Variants in NLGN1 observed in about 807,000 individuals in gnomAD.
The protein encoded by NLGN1 is neuroligin-1.
A neutral mutation model predicts 65.5 loss-of-function variants in NLGN1; 12 were observed. That is an observed-to-expected ratio of 0.18 (90% CI 0.12 to 0.30). The LOEUF (loss-of-function observed/expected upper bound fraction) is 0.30. NLGN1 is among the 10% of genes least tolerant of loss of function. NLGN1 has a pLI of 1.00. For missense variants in NLGN1, 750 were observed against 1,007.1 expected (o/e 0.74, Z 3.46); for synonymous variants, 350 against 359.5 (o/e 0.97, Z 0.30).
intron 1 of NLGN1, among the ~76,000 whole-genome samples, chr3:173,434,691 A>G (rs968405831): frequency 2.6e-5 from 4 of 152,188 alleles, no homozygotes; most frequent in African/African-American, 9.7e-5. Flanking sequence ...TAGTAAAATG[A>G]CACCCTATAA....
chr3:173,476,707 G>A (rs993377460), intron 2 of NLGN1, among the ~76,000 whole-genome samples: 5 of 152,180 alleles, frequency 3.3e-5, no homozygotes, highest in African/African-American at 1.2e-4. Context: ...TGCATTTTGA[G>A]CCATCATTTA....
Position 174,106,845 on chromosome 3 carries a change from A to G in NLGN1, c.647-168470A>G, listed in dbSNP as rs140367246. On this transcript the variant is annotated intron_variant, in intron 4 of 6. Transcript: ENST00000457714. ...GAGAAGACTCATGTCCAGTTTTAAA[A>G]GATAAAGAGAATTCACCCTTTCTCC... is the stretch of plus-strand genomic sequence containing the variant. Among the ~76,000 whole-genome samples the G allele has an allele frequency of 6.2e-3, 940 of 152,168 alleles. 26 individuals are homozygous for G. The highest frequency in any genetic ancestry group is 0.039 in the East Asian group (199 of 5,166).
At chr3:174,061,093 C>T (rs900064197) in intron 4 of NLGN1, among the ~76,000 whole-genome samples, 8 of 151,980 alleles carry the variant, frequency 5.3e-5, no homozygotes, top group Non-Finnish European at 1.2e-4. Context: ...GAAAAGTTTT[C>T]ACTTGGGATC....
intron 4 of NLGN1, among the ~76,000 whole-genome samples, chr3:174,255,421 G>C (rs571681141): frequency 9.7e-6 from 1 of 102,876 alleles, no homozygotes; most frequent in Admixed American, 1.2e-4. Flanking sequence ...AGGCGATAGA[G>C]CAAGACTCTG....
At chr3:174,143,158 A>G (rs1009019351) in intron 4 of NLGN1, among the ~76,000 whole-genome samples, 14 of 152,240 alleles carry the variant, frequency 9.2e-5, no homozygotes, top group Admixed American at 8.5e-4. Context: ...CCCACCTCCA[A>G]TACTGGGAAT....
At chr3:173,857,303 A>T (rs1728183656) in intron 4 of NLGN1, among the ~76,000 whole-genome samples, 1 of 152,080 alleles carries the variant, frequency 6.6e-6, no homozygotes, top group Admixed American at 6.6e-5. Context: ...CTTGCACACC[A>T]CTTGTGTTCA....
intron 2 of NLGN1, among the ~76,000 whole-genome samples, chr3:173,519,768 G>A (rs567220606): frequency 1.3e-5 from 2 of 151,550 alleles, no homozygotes; most frequent in South Asian, 2.1e-4. Flanking sequence ...ATGAGAGTTT[G>A]GACTTTGGAC....
chr3:173,595,449 A>G (rs922199496), intron 2 of NLGN1, among the ~76,000 whole-genome samples: 5 of 152,130 alleles, frequency 3.3e-5, no homozygotes, highest in Admixed American at 1.3e-4. Context: ...CCTAGATTTT[A>G]TTGTCCATAT....
intron 4 of NLGN1, among the ~76,000 whole-genome samples, chr3:173,999,437 T>C (rs1266195211): frequency 1.3e-5 from 2 of 152,158 alleles, no homozygotes; most frequent in African/African-American, 4.8e-5. Flanking sequence ...TAGGAAATGA[T>C]TTTACCTTTG....
In NLGN1 at chr3:173,900,971, C is replaced by T. The variant is rs144600615; in HGVS notation, c.646+93139C>T. ...ATATAGCCATGTTTAAGGCCAGGTC[C>T]TCTGACTGGAAACTCGTGTCTTTTG... On this transcript the variant is annotated intron_variant, in intron 4 of 6. Transcript: ENST00000457714. Among the ~76,000 whole-genome samples, 759 of 152,070 alleles carry T rather than the reference C, an allele frequency of 5.0e-3. 8 individuals carry two copies. Among genetic ancestry groups the T allele is most frequent in the South Asian group, 0.027 (128 of 4,820 alleles).
At chr3:173,458,980 T>C (rs921615173) in intron 2 of NLGN1, among the ~76,000 whole-genome samples, 1 of 152,078 alleles carries the variant, frequency 6.6e-6, no homozygotes, top group Non-Finnish European at 1.5e-5. Context: ...TTGGCTAATA[T>C]TGGAACATGT....
chr3:173,655,570 G>GA (rs552155158), intron 3 of NLGN1, among the ~76,000 whole-genome samples: 159 of 148,066 alleles, frequency 1.1e-3, no homozygotes, highest in Non-Finnish European at 1.9e-3. Flanking sequence ...ATGATGTTTT[G>GA]AAAAAAAAAA....
chr3:173,952,974 T>G (rs1015121104), intron 4 of NLGN1, among the ~76,000 whole-genome samples: 1 of 152,082 alleles, frequency 6.6e-6, no homozygotes, highest in Non-Finnish European at 1.5e-5. Flanking sequence ...AGACGGGGTT[T>G]CACCATGCTG....
At chr3:173,545,065 T>TTTG (rs1553881029) in intron 2 of NLGN1, among the ~76,000 whole-genome samples, 1 of 108,864 alleles carries the variant, frequency 9.2e-6, no homozygotes, top group African/African-American at 4.1e-5. Context: ...TGGTTGTTTT[T>TTTG]TTTGTTTGTT....
intron 4 of NLGN1, among the ~76,000 whole-genome samples, chr3:173,940,353 C>A (rs973832160): frequency 4.6e-5 from 7 of 151,896 alleles, no homozygotes; most frequent in South Asian, 2.1e-4. Context: ...CCTCCCAAAG[C>A]ACTGGGATTA....
intron 4 of NLGN1, among the ~76,000 whole-genome samples, chr3:174,080,816 G>A (rs1742009617): frequency 6.7e-6 from 1 of 149,244 alleles, no homozygotes; most frequent in African/African-American, 2.5e-5. Context: ...TTTCTCTATT[G>A]GGAGACTGCC....
intron 4 of NLGN1, among the ~76,000 whole-genome samples, chr3:174,157,530 A>G (rs77880600): frequency 0.1 from 15,557 of 151,696 alleles, 1,001 homozygotes; most frequent in Admixed American, 0.15. Flanking sequence ...TAGTTGACGT[A>G]ACCCCCCTCC....
At chr3:173,739,629 A>T (rs965819372) in intron 3 of NLGN1, among the ~76,000 whole-genome samples, 46 of 152,106 alleles carry the variant, frequency 3.0e-4, no homozygotes, top group African/African-American at 1.1e-3. Flanking sequence ...TAGAGAATCC[A>T]TAATTAAATG....
At chr3:173,761,199 A>G (rs996599532) in intron 3 of NLGN1, among the ~76,000 whole-genome samples, 2 of 152,038 alleles carry the variant, frequency 1.3e-5, no homozygotes, top group Admixed American at 6.6e-5. Context: ...TTATATTACC[A>G]TATAATGCTA....
Sources: allele counts gnomAD v4.1 joint callset (sites outside exome capture counted in the v4.1 genomes callset), GRCh38; gene constraint gnomAD v4.1.1; transcripts MANE v1.5; gene names NCBI Gene and HGNC (gene_info 2026-07-23, HGNC 2026-07-21).